Variants in BAP1 observed in about 807,000 individuals in gnomAD.
The protein encoded by BAP1 is BRCA1 associated deubiquitinase 1.
In BAP1, 16 loss-of-function variants were observed where a neutral mutation model predicts 77.2. The observed-to-expected ratio is 0.21, with a 90% CI of 0.14 to 0.31. The LOEUF (loss-of-function observed/expected upper bound fraction) is 0.31. Among genes scored for constraint, BAP1 ranks in the 10% least tolerant of loss-of-function variants. The pLI is 1.00. For missense variants in BAP1, 699 were observed against 967.3 expected (o/e 0.72, Z 3.68); for synonymous variants, 362 against 385.2 (o/e 0.94, Z 0.71).
chr3:52,409,648 C>A (rs2153228573), intron 2 of BAP1, 40 bp from the exon 3 acceptor site: 1 of 1,614,176 alleles, frequency 6.2e-7, no homozygotes, highest in Non-Finnish European at 8.5e-7. Flanking sequence ...AGGACAGCCC[C>A]TGATGAGTGA....
chr3:52,404,266 C>T (rs1368972061), intron 12 of BAP1, among the ~76,000 whole-genome samples, 187 bp downstream of exon 12: 2 of 152,210 alleles, frequency 1.3e-5, no homozygotes, highest in South Asian at 2.1e-4. Context: ...CTCAGCCTTA[C>T]CCCCCAGCCC....
chr3:52,403,325 A>G lies in BAP1; in HGVS notation c.1730-27T>C. Reference sequence around the variant, plus strand: ...TGGGAAGAGAGGTCACAAGAAAATCATCAGAGTGCAGGACACTTTGTGGTC... The same window carrying G: ...TGGGAAGAGAGGTCACAAGAAAATCGTCAGAGTGCAGGACACTTTGTGGTC... On this transcript the variant is annotated intron_variant, in intron 13 of 16. Transcript: ENST00000460680. This position sits in a 1 kb window ranked among gnomAD's most constrained non-coding sequence, Gnocchi z 4.0. 6.2e-7 allele frequency: 1 copy of G among 1,613,206 alleles called. No homozygotes were observed. The highest frequency in any genetic ancestry group is 8.5e-7 in the Non-Finnish European group (1 of 1,179,972).
intron 5 of BAP1, 138 bp downstream of exon 5, chr3:52,407,820 G>A: frequency 7.2e-7 from 1 of 1,394,486 alleles, no homozygotes; most frequent in African/African-American, 1.4e-5. Flanking sequence ...TTATTTAAGA[G>A]TCAAATGTAA....
In BAP1 at chr3:52,403,752, T is replaced by C. The variant is rs150029305; in HGVS notation, c.1393A>G (p.Ile465Val). 1.2e-6 allele frequency: 2 copies of C among 1,613,972 alleles called. No individual in the cohort carries two copies. Among genetic ancestry groups the C allele is most frequent in the Non-Finnish European group, 1.7e-6 (2 of 1,180,040 alleles). ...CTCCCAGCCCCGCTGCTAGTCTTGA[T>C]GGACAGAGGAATTGAGAGGTCCTTC... is the stretch of plus-strand genomic sequence containing the variant. ...SQKDLSIPLS[I>V]KTSSGAGSPA... Residue 465 changes from isoleucine to valine, a missense_variant, in exon 13 of 17, where the codon ATC (isoleucine) becomes GTC (valine). Ile to Val is a conservative substitution (Grantham distance 29, BLOSUM62 3). This residue lies in a region of BAP1 where 475 missense variants were observed against 532.4 expected (regional missense o/e 0.89). Coordinates refer to ENST00000460680, the MANE Select transcript of BAP1 (RefSeq NM_004656.4). The surrounding 1 kb of genome is among the most constrained non-coding windows in gnomAD (Gnocchi z 4.0).
chr3:52,404,270 C>A (rs913850971), intron 12 of BAP1, among the ~76,000 whole-genome samples, 183 bp downstream of exon 12: 2 of 152,244 alleles, frequency 1.3e-5, no homozygotes, highest in Non-Finnish European at 2.9e-5. Context: ...GCCTTACCCC[C>A]CAGCCCACCA....
In BAP1 at chr3:52,402,295, C is replaced by G. The variant is rs773230722; in HGVS notation, c.2183G>C (p.Arg728Pro). 1.2e-6 allele frequency: 2 copies of G among 1,600,636 alleles called. No individual in the cohort carries two copies. The highest frequency in any genetic ancestry group is 4.5e-5 in the East Asian group (2 of 44,342). ...RKRSRPYKAK[R>P]Q ...AGTCAGGGCCAGCAGTCCTCACTGG[C>G]GCTTGGCCTTGTAGGGGCGAGAGCG... Residue 728 changes from arginine to proline, a missense_variant, in exon 17 of 17, where the codon CGC becomes CCC. Physicochemically the swap from Arg to Pro is moderately radical, Grantham distance 103. This residue lies in a region of BAP1 where 64 missense variants were observed against 112.1 expected (regional missense o/e 0.57). Transcript: ENST00000460680. This position sits in a 1 kb window ranked among gnomAD's most constrained non-coding sequence, Gnocchi z 5.3.
chr3:52,407,993 G>T lies in BAP1; in HGVS notation c.340C>A (p.Arg114Ser). 1 of 1,613,906 alleles carries T rather than the reference G, an allele frequency of 6.2e-7. No homozygotes were observed. The highest frequency in any genetic ancestry group is 1.1e-5 in the South Asian group (1 of 91,000). The change falls in exon 5 of 17, where the codon CGC becomes AGC. Residue 114 changes from arginine (R) to serine (S), a missense_variant. Coordinates refer to ENST00000460680, the MANE Select transcript of BAP1 (RefSeq NM_004656.4). ...SSVDLGPTLS[R>S]MKDFTKGFSP... is the part of the protein sequence containing the mutation. Reference sequence around the variant, plus strand: ...AAACCCTTGGTGAAGTCCTTCATGCGACTCAGGGTGGGTCCCAGGTCCACG... The same window carrying T: ...AAACCCTTGGTGAAGTCCTTCATGCTACTCAGGGTGGGTCCCAGGTCCACG...
chr3:52,408,224 T>C lies in BAP1; in HGVS notation c.256-147A>G, dbSNP rs187250016. Reference sequence around the variant, plus strand: ...TCCTTTCATCTTTGCCTAATGTTTATTCATTTAACAAGCACCTACCAAATA... The same window carrying C: ...TCCTTTCATCTTTGCCTAATGTTTACTCATTTAACAAGCACCTACCAAATA... On this transcript the variant is annotated intron_variant, in intron 4 of 16. Transcript: ENST00000460680. The C allele has an allele frequency of 3.6e-3, 5,104 of 1,415,740 alleles. 24 individuals carry two copies. The highest frequency in any genetic ancestry group is 4.9e-3 in the South Asian group (397 of 80,226). 87.7% of individuals were successfully genotyped at this position (1,415,740 alleles called of 1,614,324 possible).
At chr3:52,407,007 A>G in intron 7 of BAP1, 100 bp from the exon 8 acceptor site, 5 of 1,491,082 alleles carry the variant, frequency 3.4e-6, no homozygotes, top group Non-Finnish European at 4.6e-6. Flanking sequence ...GAGCCAGGGA[A>G]TCAGGAGCTG....
chr3:52,409,727 G>C lies in BAP1; in HGVS notation c.54C>G (p.Leu18=), dbSNP rs769459561. ...LESDPGLFTL[L]VEDFGVKGVQ... The stretch of plus-strand genomic sequence containing the variant: ...AAAGGCTCTTACCGAAATCTTCCAC[G>C]AGCAGGGTGAAGAGGCCTGGGTGGG... Residue 18 remains leucine (L), a synonymous_variant, in exon 2 of 17, where the codon CTC becomes CTG. Coordinates refer to ENST00000460680, the MANE Select transcript of BAP1 (RefSeq NM_004656.4). 1.2e-6 allele frequency: 2 copies of C among 1,614,088 alleles called. No homozygotes were observed.
rs1366273234 is a variant in BAP1 at position 52,402,147 on chromosome 3, C to T, written c.*141G>A. ...TCAGGGCACGATGGAAGGAATGTGG[C>T]CTGGTTCCTCCCATTCCCAGGGCCT... is the stretch of plus-strand genomic sequence containing the variant. On this transcript the variant is annotated 3_prime_UTR_variant, in exon 17 of 17. Coordinates refer to ENST00000460680, the MANE Select transcript of BAP1 (RefSeq NM_004656.4). The surrounding 1 kb of genome is among the most constrained non-coding windows in gnomAD (Gnocchi z 5.3). The T allele has an allele frequency of 1.5e-5, 21 of 1,385,462 alleles. 2 individuals are homozygous for T. The highest frequency in any genetic ancestry group is 2.1e-5 in the Admixed American group (1 of 48,176). The allele number at this position is 1,385,462 out of a possible 1,614,324, so 85.8% of individuals were successfully genotyped here.
In BAP1 at chr3:52,406,478, T is replaced by G. The variant is rs1465209813; in HGVS notation, c.660-102A>C. ...GGCTCCCTGCAGTCACACCTGCAGC[T>G]GTAGGTATAGGCCCCACCCCAACAG... On this transcript the variant is annotated intron_variant, in intron 8 of 16. Transcript: ENST00000460680. The surrounding 1 kb of genome is among the most constrained non-coding windows in gnomAD (Gnocchi z 4.6). The G allele has an allele frequency of 7.7e-6, 12 of 1,555,180 alleles. No individual in the cohort carries two copies. Among genetic ancestry groups the G allele is most frequent in the Non-Finnish European group, 9.6e-6 (11 of 1,148,558 alleles).
chr3:52,408,197 G>T, intron 4 of BAP1, 120 bp from the exon 5 acceptor site: 1 of 1,475,184 alleles, frequency 6.8e-7, no homozygotes, highest in Non-Finnish European at 9.3e-7. Flanking sequence ...CCCCTTCTCA[G>T]CTCCTTTCAT....
In BAP1 at chr3:52,403,231, C is replaced by T. The variant is rs372576765; in HGVS notation, c.1797G>A (p.Val599=). ...CCGTGGCTTCCACGACCTCCTTCTC[C>T]ACTGGGCTGCTGGACCCCTGGCTGC... ...IQGSQGSSSP[V]EKEVVEATDS... The change falls in exon 14 of 17, where the codon GTG becomes GTA. Residue 599 remains valine, a synonymous_variant. Transcript: ENST00000460680. This position sits in a 1 kb window ranked among gnomAD's most constrained non-coding sequence, Gnocchi z 4.0. 11 of 1,614,082 alleles carry T rather than the reference C, an allele frequency of 6.8e-6. No homozygotes were observed. In the African/African-American group the frequency reaches 9.3e-5, roughly 14 times the overall value.
At position 52,408,556 on chromosome 3, in the gene BAP1, G is replaced by C. The variant is rs1705238935; in HGVS notation, c.173C>G (p.Ser58Cys). Residue 58 changes from serine to cysteine, a missense_variant, in exon 4 of 17, where the codon TCC becomes TGC. By Grantham distance (112) the Ser-to-Cys change is moderately radical. This residue lies in a region of BAP1 where 160 missense variants were observed against 322.8 expected (regional missense o/e 0.50). Coordinates refer to ENST00000460680, the MANE Select transcript of BAP1 (RefSeq NM_004656.4). ...CACCAAGGTAGAGACCTTTCGCCGG[G>C]ACCGGCGCTCTTCGATCCATTTGAA... is the stretch of plus-strand genomic sequence containing the variant. ...FLFKWIEERRSRRKVSTLVDD... is the reference protein window; with the variant it reads ...FLFKWIEERRCRRKVSTLVDD... 1 of 1,611,258 alleles carries C rather than the reference G, an allele frequency of 6.2e-7. No individual in the cohort carries two copies. The highest frequency in any genetic ancestry group is 8.5e-7 in the Non-Finnish European group (1 of 1,178,788).
At position 52,403,607 on chromosome 3, in the gene BAP1, G is replaced by A. The variant is rs1553644895; in HGVS notation, c.1538C>T (p.Ser513Leu). The A allele has an allele frequency of 1.2e-6, 2 of 1,614,088 alleles. No individual in the cohort carries two copies. The highest frequency in any genetic ancestry group is 1.7e-6 in the Non-Finnish European group (2 of 1,180,042). ...FNSPLRSPIR[S>L]ANPTRPSSPV... is the part of the protein sequence containing the mutation. ...GCTGGAGGGCCGCGTCGGGTTGGCT[G>A]AGCGGATAGGCGAGCGCAGTGGCGA... The change falls in exon 13 of 17, where the codon TCA (serine) becomes TTA (leucine). Residue 513 changes from serine to leucine, a missense_variant. By Grantham distance (145) the Ser-to-Leu change is moderately radical. This residue lies in a region of BAP1 where 475 missense variants were observed against 532.4 expected (regional missense o/e 0.89). Coordinates refer to ENST00000460680, the MANE Select transcript of BAP1 (RefSeq NM_004656.4). The surrounding 1 kb of genome is among the most constrained non-coding windows in gnomAD (Gnocchi z 4.0).
chr3:52,403,050 TC>T lies in BAP1; in HGVS notation c.1890+87del. The T allele has an allele frequency of 2.5e-6, 4 of 1,600,692 alleles. No individual in the cohort carries two copies. The highest frequency in any genetic ancestry group is 3.4e-6 in the Non-Finnish European group (4 of 1,177,818). On this transcript the variant is annotated intron_variant, in intron 14 of 16. Transcript: ENST00000460680. The surrounding 1 kb of genome is among the most constrained non-coding windows in gnomAD (Gnocchi z 4.0). Reference sequence around the variant, plus strand: ...CAGCCACCAATCTTCACACCAAAGTTCCAATCAAGAACTTGGCACCTGGGCA... The same window carrying T: ...CAGCCACCAATCTTCACACCAAAGTTCAATCAAGAACTTGGCACCTGGGCA...
rs756784645 is a variant in BAP1, at chr3:52,403,840, C to A, written c.1305G>T (p.Gly435=). 2 of 1,614,100 alleles carry A rather than the reference C, an allele frequency of 1.2e-6. No homozygotes were observed. The highest frequency in any genetic ancestry group is 1.7e-6 in the Non-Finnish European group (2 of 1,180,024). Residue 435 remains glycine, a synonymous_variant, in exon 13 of 17, where the codon GGG becomes GGT. Transcript: ENST00000460680. The surrounding 1 kb of genome is among the most constrained non-coding windows in gnomAD (Gnocchi z 4.0). ...KPGALSGSAD[G]QLSVLQPNTI... ...TGTTGGGCTGCAGCACTGACAGTTGCCCATCAGCAGAACCGCTCAATGCCC... is the reference window on the plus strand; with the variant it reads ...TGTTGGGCTGCAGCACTGACAGTTGACCATCAGCAGAACCGCTCAATGCCC...
At chr3:52,407,339 C>T (rs771843075) in intron 6 of BAP1, 23 bp from the exon 7 acceptor site, 1 of 1,614,022 alleles carries the variant, frequency 6.2e-7, no homozygotes, top group East Asian at 2.2e-5. Context: ...AGAGTCAGGG[C>T]CCAAAAAATG....
Sources: allele counts gnomAD v4.1 joint callset (sites outside exome capture counted in the v4.1 genomes callset), GRCh38; gene constraint gnomAD v4.1.1; regional missense constraint gnomAD v4.1.1; non-coding constraint Gnocchi (gnomAD v3.1); transcripts MANE v1.5; gene names NCBI Gene and HGNC (gene_info 2026-07-23, HGNC 2026-07-21).